Variants in DSE observed in about 807,000 individuals in gnomAD.
DSE encodes dermatan-sulfate epimerase.
In DSE, 36 loss-of-function variants were observed where a neutral mutation model predicts 84.4. That is an observed-to-expected ratio of 0.43 (90% CI 0.33 to 0.56). The LOEUF is 0.56. DSE is among the 20% of genes least tolerant of loss of function. The pLI, the probability that DSE is intolerant of heterozygous loss-of-function variation, is 0.06. For synonymous variants in DSE, 410 were observed against 430.1 expected (o/e 0.95, Z 0.58); for missense variants, 862 against 1,169.6 (o/e 0.74, Z 3.84).
intron 2 of DSE, chr6:116,279,610 G>A (rs771603213): frequency 6.2e-7 from 1 of 1,602,546 alleles, no homozygotes; most frequent in East Asian, 2.2e-5. Context: ...ACGGCCCGCG[G>A]CATCCTGGGG....
Position 116,331,437 on chromosome 6 carries a change from T to A in DSE, c.-53-67761T>A, listed in dbSNP as rs184373686. Among the ~76,000 whole-genome samples, 244 of 152,102 alleles carry A rather than the reference T, an allele frequency of 1.6e-3. 3 individuals carry two copies. Among genetic ancestry groups the A allele is most frequent in the African/African-American group, 5.1e-3 (213 of 41,512 alleles). On this transcript the variant is annotated intron_variant, in intron 2 of 3. Transcript: ENST00000430252. The stretch of plus-strand genomic sequence containing the variant: ...AAAAGCCCCTTATAAAACCATCAGA[T>A]CTCATGAGAAGTCACTCACTATCAT...
At position 116,258,954 on chromosome 6, in the gene DSE, C is replaced by T. The variant is rs773697356; in HGVS notation, c.-67C>T. The T allele has an allele frequency of 9.3e-6, 14 of 1,511,324 alleles. No individual in the cohort carries two copies. In the South Asian group the frequency reaches 1.5e-4, roughly 16 times the overall value. The allele number at this position is 1,511,324 out of a possible 1,614,324, so 93.6% of individuals were successfully genotyped here. A position where few individuals can be genotyped will look rare whatever the true frequency, so the allele number is the denominator to read the frequency against. ...TGTGGAAGCATTTGGCGGCATACCA[C>T]CCTGCACTGTGAGGTAGGTACTTGG... On this transcript the variant is annotated 5_prime_UTR_variant, in exon 2 of 4. Coordinates refer to the DSE transcript ENST00000430252.
At chr6:116,306,470 G>C (rs1775353424) in intron 2 of DSE, among the ~76,000 whole-genome samples, 2 of 151,954 alleles carry the variant, frequency 1.3e-5, no homozygotes, top group African/African-American at 4.8e-5. Flanking sequence ...CTTTCTCTAA[G>C]GCACTCCTTA....
chr6:116,289,624 A>G (rs1774154937), intron 2 of DSE, among the ~76,000 whole-genome samples: 1 of 152,058 alleles, frequency 6.6e-6, no homozygotes, highest in Non-Finnish European at 1.5e-5. Flanking sequence ...CTAGACCTTC[A>G]TGATAAAAAA....
intron 2 of DSE, 79 bp downstream of exon 2, chr6:116,399,745 A>T (rs1384941461): frequency 1.5e-6 from 2 of 1,374,998 alleles, no homozygotes; most frequent in Admixed American, 2.0e-5. Flanking sequence ...CTCAGTGGCC[A>T]GATCTTCATG....
At position 116,307,879 on chromosome 6, in the gene DSE, G is replaced by T. The variant is rs139029660; in HGVS notation, c.-54+48912G>T. On this transcript the variant is annotated intron_variant, in intron 2 of 3. Coordinates refer to the DSE transcript ENST00000430252. Reference sequence around the variant, plus strand: ...GTTTAGTCAAGTTCAGGTAAAATTAGGAGGAATTACTGGAAAAGCGTGAAC... The same window carrying T: ...GTTTAGTCAAGTTCAGGTAAAATTATGAGGAATTACTGGAAAAGCGTGAAC... Among the ~76,000 whole-genome samples the T allele has an allele frequency of 7.0e-3, 1,065 of 152,320 alleles. 22 individuals are homozygous for T. The highest frequency in any genetic ancestry group is 0.056 in the South Asian group (271 of 4,830).
intron 2 of DSE, among the ~76,000 whole-genome samples, chr6:116,335,829 G>T (rs1481727964): frequency 1.3e-5 from 2 of 152,236 alleles, no homozygotes; most frequent in Non-Finnish European, 1.5e-5. Context: ...GACTTAGGAA[G>T]ATTGAGCTCT....
At chr6:116,258,413 A>C (rs2114589776) in intron 1 of DSE, 1 of 709,456 alleles carries the variant, frequency 1.4e-6, no homozygotes, top group African/African-American at 1.8e-5. Flanking sequence ...CATTATAATA[A>C]CTTAGTTGTA....
chr6:116,321,993 C>T (rs1440663209), intron 2 of DSE, among the ~76,000 whole-genome samples: 1 of 152,082 alleles, frequency 6.6e-6, no homozygotes, highest in Non-Finnish European at 1.5e-5. Context: ...GGGGTTTGTT[C>T]GGCCGGGGGC....
intron 2 of DSE, among the ~76,000 whole-genome samples, chr6:116,321,883 G>A (rs929404013): frequency 3.3e-5 from 5 of 152,096 alleles, no homozygotes; most frequent in African/African-American, 1.2e-4. Flanking sequence ...ACTACTGTAC[G>A]TCTAGTACCT....
Position 116,444,841 on chromosome 6 carries a change from A to G in DSE, c.*7496A>G, listed in dbSNP as rs983908922. ...CTGTCCCCAGAACTGTGGTAAATAA[A>G]TTTCTGTTGTTTGTAAGCCACCTAG... On this transcript the variant is annotated 3_prime_UTR_variant, in exon 6 of 6. Coordinates refer to ENST00000644252, the MANE Select transcript of DSE (RefSeq NM_013352.4). 2.0e-5 allele frequency: 3 copies of G among 152,174 alleles called. No individual in the cohort carries two copies. Among genetic ancestry groups the G allele is most frequent in the Non-Finnish European group, 4.4e-5 (3 of 68,062 alleles). The allele number at this position is 152,174 out of a possible 1,614,324, so 9.4% of individuals were successfully genotyped here.
intron 2 of DSE, among the ~76,000 whole-genome samples, chr6:116,405,876 T>C (rs1781892895): frequency 6.6e-6 from 1 of 152,130 alleles, no homozygotes; most frequent in South Asian, 2.1e-4. Context: ...CATTGGACAG[T>C]TGTGTGGTGC....
At chr6:116,431,272 A>C in intron 4 of DSE, 79 bp downstream of exon 4, 1 of 1,539,950 alleles carries the variant, frequency 6.5e-7, no homozygotes, top group African/African-American at 1.4e-5. Flanking sequence ...TAGACTAGGC[A>C]GAGAAATTAG....
intron 2 of DSE, among the ~76,000 whole-genome samples, chr6:116,341,274 T>C (rs1247340073): frequency 6.6e-6 from 1 of 152,248 alleles, no homozygotes; most frequent in Admixed American, 6.5e-5. Flanking sequence ...GCTGCATAAA[T>C]GTCTTCTTTT....
intron 3 of DSE, among the ~76,000 whole-genome samples, chr6:116,427,235 A>G (rs1229043104): frequency 6.6e-6 from 1 of 152,148 alleles, no homozygotes; most frequent in African/African-American, 2.4e-5. Context: ...CACCACTACT[A>G]TTTTTTCCTC....
rs1222983228 is a variant in DSE, at chr6:116,426,943, T to G, written c.670+116T>G. On this transcript the variant is annotated intron_variant, in intron 3 of 5. Coordinates refer to ENST00000644252, the MANE Select transcript of DSE (RefSeq NM_013352.4). ...TACATGTTCATACTTGGATCCTAAC[T>G]AAACCCATGAAATGAAGTAGTCCCT... 8.8e-6 allele frequency: 12 copies of G among 1,369,130 alleles called. No individual in the cohort carries two copies. The South Asian group carries it at 9.0e-5, about 10-fold the overall frequency. 84.8% of individuals were successfully genotyped at this position (1,369,130 alleles called of 1,614,324 possible). A position where few individuals can be genotyped will look rare whatever the true frequency, so the allele number is the denominator to read the frequency against.
At chr6:116,349,168 A>G (rs1778170864) in intron 2 of DSE, among the ~76,000 whole-genome samples, 1 of 152,186 alleles carries the variant, frequency 6.6e-6, no homozygotes, top group Non-Finnish European at 1.5e-5. Flanking sequence ...ATTTATATAC[A>G]CTAATATAAA....
chr6:116,278,544 G>C, intron 2 of DSE: 1 of 1,614,134 alleles, frequency 6.2e-7, no homozygotes, highest in Non-Finnish European at 8.5e-7. Context: ...CAAAGGGCCT[G>C]GGGATCTCTA....
At chr6:116,262,234 C>CTGT (rs138505701) in intron 2 of DSE, among the ~76,000 whole-genome samples, 1,971 of 151,426 alleles carry the variant, frequency 0.013, 31 homozygotes, top group South Asian at 0.047. Flanking sequence ...CCTGGGGTTT[C>CTGT]TGTTGTTGTT....
Sources: gnomAD v4.1 joint callset for allele counts (sites outside exome capture counted in the v4.1 genomes callset) on GRCh38, gnomAD v4.1.1 for gene constraint, MANE v1.5 for transcripts, NCBI Gene and HGNC (gene_info 2026-07-23, HGNC 2026-07-21) for gene names.